FRYL: variants seen among roughly 807,000 people sequenced by gnomAD.
FRYL encodes the protein protein furry homolog-like.
In FRYL, 150 loss-of-function variants were observed where a neutral mutation model predicts 351.2. That is an observed-to-expected ratio of 0.43 (90% CI 0.37 to 0.49). FRYL has a LOEUF of 0.49. FRYL is among the 20% of genes least tolerant of loss of function. FRYL has a pLI of 0.00. For missense variants in FRYL, 3,036 were observed against 3,619.3 expected, an observed-to-expected ratio of 0.84 and a Z score of 4.13; for synonymous variants, 1,153 against 1,257.1, an observed-to-expected ratio of 0.92 and a Z score of 1.75.
chr4:48,738,154 G>C (rs1771645965), intron 1 of FRYL, among the ~76,000 whole-genome samples: 1 of 152,170 alleles, frequency 6.6e-6, no homozygotes, highest in Admixed American at 6.5e-5. Flanking sequence ...TGAAAAGGAA[G>C]ACATAAAACT....
chr4:48,671,206 G>GTTAA (rs1011028422), intron 3 of FRYL, among the ~76,000 whole-genome samples: 4 of 152,156 alleles, frequency 2.6e-5, no homozygotes, highest in Non-Finnish European at 5.9e-5. Flanking sequence ...CATCAATGAT[G>GTTAA]TTAAGCACCT....
intron 1 of FRYL, among the ~76,000 whole-genome samples, chr4:48,755,620 C>G (rs1372439102): frequency 6.6e-6 from 1 of 152,194 alleles, no homozygotes; most frequent in Non-Finnish European, 1.5e-5. Context: ...TAATAATCCT[C>G]TCTAAAAACA....
chr4:48,737,716 C>T (rs1771604253), intron 1 of FRYL, among the ~76,000 whole-genome samples: 2 of 152,070 alleles, frequency 1.3e-5, no homozygotes, highest in South Asian at 2.1e-4. Flanking sequence ...GATGCAATTA[C>T]CTTCAACAAA....
Position 48,567,170 on chromosome 4 carries a change from A to T in FRYL, c.3169+78T>A. On this transcript the variant is annotated intron_variant, in intron 28 of 63. Coordinates refer to ENST00000358350, the MANE Select transcript of FRYL (RefSeq NM_015030.2). The surrounding 1 kb of genome is among the most constrained non-coding windows in gnomAD (Gnocchi z 4.2). ...TTCATACGTTACTTTATCAACTTAG[A>T]TTATTAAACCTCAAGGAAAGAAAAA... The T allele has an allele frequency of 8.4e-7, 1 of 1,186,144 alleles. No homozygotes were observed. The highest frequency in any genetic ancestry group is 2.5e-5 in the East Asian group (1 of 39,572). 73.5% of individuals were successfully genotyped at this position (1,186,144 alleles called of 1,614,324 possible). A position where few individuals can be genotyped will look rare whatever the true frequency, so the allele number is the denominator to read the frequency against.
Position 48,544,923 on chromosome 4 carries a change from T to C in FRYL, c.5280-19A>G, listed in dbSNP as rs775246619. ...TCTTTTTCTGAAAACAGAGAACAGATGTAATTTCCTTGGATTTTCACTTGT... is the reference window on the plus strand; with the variant it reads ...TCTTTTTCTGAAAACAGAGAACAGACGTAATTTCCTTGGATTTTCACTTGT... On this transcript the variant is annotated intron_variant, in intron 42 of 63. Coordinates refer to ENST00000358350, the MANE Select transcript of FRYL (RefSeq NM_015030.2). 1.6e-5 allele frequency: 25 copies of C among 1,582,466 alleles called. No individual in the cohort carries two copies. In the East Asian group the frequency reaches 4.7e-4, roughly 30 times the overall value.
intron 59 of FRYL, among the ~76,000 whole-genome samples, chr4:48,509,748 C>T (rs1722087280): frequency 1.3e-5 from 2 of 152,148 alleles, no homozygotes; most frequent in Admixed American, 1.3e-4. Flanking sequence ...TTTCCTAGAC[C>T]ACAATTCTCT....
intron 48 of FRYL, among the ~76,000 whole-genome samples, 169 bp downstream of exon 48, chr4:48,535,488 T>G (rs1728668926): frequency 6.6e-6 from 1 of 152,040 alleles, no homozygotes; most frequent in Admixed American, 6.6e-5. Context: ...TCAGACAATT[T>G]GAATATCAGT....
chr4:48,729,149 C>T (rs773787613), intron 1 of FRYL, among the ~76,000 whole-genome samples: 5 of 152,166 alleles, frequency 3.3e-5, no homozygotes, highest in Non-Finnish European at 5.9e-5. Flanking sequence ...TGACCTGGGA[C>T]GTGGGAGTTT....
At chr4:48,586,177 T>C (rs935118486) in intron 19 of FRYL, among the ~76,000 whole-genome samples, 1 of 152,040 alleles carries the variant, frequency 6.6e-6, no homozygotes, top group Non-Finnish European at 1.5e-5. Flanking sequence ...AGAGAAAAAC[T>C]TAAATGCCAC....
intron 13 of FRYL, among the ~76,000 whole-genome samples, chr4:48,600,991 A>G (rs1237585516): frequency 6.6e-6 from 1 of 152,204 alleles, no homozygotes; most frequent in Non-Finnish European, 1.5e-5. Flanking sequence ...AGTAGTATAT[A>G]TTCCGTATAC....
intron 59 of FRYL, among the ~76,000 whole-genome samples, chr4:48,507,564 G>C (rs1216908658): frequency 2.6e-5 from 4 of 151,950 alleles, no homozygotes; most frequent in Non-Finnish European, 5.9e-5. Context: ...AAGTACCGGA[G>C]TGAGCCCAAT....
In FRYL at chr4:48,497,697, A is replaced by G. The variant is rs900550182; in HGVS notation, c.*1725T>C. On this transcript the variant is annotated 3_prime_UTR_variant, in exon 64 of 64. Transcript: ENST00000358350. ...TCCCTCTCTGCCTGCCCCACACCCA[A>G]AAGTTTTAAATAATTTAAAGGATAC... 1.3e-5 allele frequency: 2 copies of G among 152,612 alleles called. No individual in the cohort carries two copies. The highest frequency in any genetic ancestry group is 4.8e-5 in the African/African-American group (2 of 41,448). The allele number at this position is 152,612 out of a possible 1,614,324, so 9.5% of individuals were successfully genotyped here.
chr4:48,773,021 T>G (rs1056283720), intron 1 of FRYL, among the ~76,000 whole-genome samples: 2 of 152,130 alleles, frequency 1.3e-5, no homozygotes, highest in African/African-American at 4.8e-5. Context: ...TGTCTTACAT[T>G]TGATCAAAAA....
intron 1 of FRYL, among the ~76,000 whole-genome samples, chr4:48,755,795 T>C (rs764191757): frequency 6.6e-6 from 1 of 152,044 alleles, no homozygotes; most frequent in Non-Finnish European, 1.5e-5. Context: ...AAAAAAACAG[T>C]ATGTATCACT....
chr4:48,579,042 G>A lies in FRYL; in HGVS notation c.2459C>T (p.Thr820Ile), dbSNP rs1393945068. Residue 820 changes from threonine (T) to isoleucine (I), a missense_variant, in exon 23 of 64, where the codon ACA (threonine) becomes ATA (isoleucine). Around this residue, in one of 7 missense-constraint regions of FRYL, gnomAD observed 492 missense variants for 551.5 expected, o/e 0.89. Coordinates refer to ENST00000358350, the MANE Select transcript of FRYL (RefSeq NM_015030.2). ...AAACATCCAAGCATAGCTCACAGCT[G>A]TAGAGCAGTGTTTAGGAAGATTTTC... ...KQENLPKHCS[T>I]AVSYAWMFAY... The A allele has an allele frequency of 1.9e-6, 3 of 1,613,818 alleles. No homozygotes were observed. Among genetic ancestry groups the A allele is most frequent in the Non-Finnish European group, 2.5e-6 (3 of 1,179,826 alleles).
intron 1 of FRYL, among the ~76,000 whole-genome samples, chr4:48,731,802 T>G (rs1348825868): frequency 1.3e-5 from 2 of 152,162 alleles, no homozygotes; most frequent in African/African-American, 4.8e-5. Flanking sequence ...ATCAAAGACT[T>G]AAACATAAGA....
Position 48,528,654 on chromosome 4 carries a change from C to A in FRYL, c.6904-318G>T, listed in dbSNP as rs144959685. Reference sequence around the variant, plus strand: ...CCATGATTATAAAATATACCCAAAACTCAGAAAATGTAAAAAAGATTTATA... The same window carrying A: ...CCATGATTATAAAATATACCCAAAAATCAGAAAATGTAAAAAAGATTTATA... On this transcript the variant is annotated intron_variant, in intron 50 of 63. Coordinates refer to ENST00000358350, the MANE Select transcript of FRYL (RefSeq NM_015030.2). 4.5e-3 allele frequency among the ~76,000 whole-genome samples: 681 copies of A among 152,222 alleles called. 5 individuals carry two copies. Among genetic ancestry groups the A allele is most frequent in the African/African-American group, 0.015 (631 of 41,550 alleles).
intron 3 of FRYL, among the ~76,000 whole-genome samples, chr4:48,667,542 A>G (rs1446820957): frequency 6.6e-6 from 1 of 152,124 alleles, no homozygotes. Context: ...GTAGGATCTC[A>G]AATCAAATTA....
chr4:48,592,189 G>A (rs1248643976), intron 16 of FRYL, among the ~76,000 whole-genome samples: 3 of 149,130 alleles, frequency 2.0e-5, no homozygotes, highest in Non-Finnish European at 4.4e-5. Flanking sequence ...CCCTCCCTTA[G>A]TCTAAGTATC....
Sources: gnomAD v4.1 joint callset for allele counts (sites outside exome capture counted in the v4.1 genomes callset) on GRCh38, gnomAD v4.1.1 for gene constraint, gnomAD v4.1.1 regional missense constraint, Gnocchi (gnomAD v3.1) non-coding constraint, MANE v1.5 for transcripts, NCBI Gene and HGNC (gene_info 2026-07-23, HGNC 2026-07-21) for gene names.